Variants in ARHGAP25 observed in about 807,000 individuals in gnomAD.
The protein encoded by ARHGAP25 is Rho GTPase activating protein 25.
Under a neutral mutation model 71.0 loss-of-function variants are expected in ARHGAP25, and 34 were observed. That is an observed-to-expected ratio of 0.48 (90% CI 0.36 to 0.64). The LOEUF (loss-of-function observed/expected upper bound fraction) is 0.64. Ranked by LOEUF, ARHGAP25 falls within the 30% of genes least tolerant of loss-of-function variation. ARHGAP25 has a pLI of 0.00. For missense variants in ARHGAP25, 706 were observed against 805.1 expected, an observed-to-expected ratio of 0.88 and a Z score of 1.49; for synonymous variants, 282 against 296.5, an observed-to-expected ratio of 0.95 and a Z score of 0.50.
chr2:68,751,504 A>C (rs1199259724), intron 1 of ARHGAP25, among the ~76,000 whole-genome samples: 1 of 152,206 alleles, frequency 6.6e-6, no homozygotes, highest in Non-Finnish European at 1.5e-5. Context: ...TCCTATTCGC[A>C]CACCTGCCAT....
chr2:68,766,515 G>A (rs1677130876), intron 1 of ARHGAP25, among the ~76,000 whole-genome samples: 1 of 152,172 alleles, frequency 6.6e-6, no homozygotes, highest in Non-Finnish European at 1.5e-5. Context: ...CCCACAAGAG[G>A]CAACTGCACT....
rs67399232 is a variant in ARHGAP25, at chr2:68,816,132, C to CT, written c.808-146dup. The CT allele has an allele frequency of 3.5e-3, 2,296 of 663,390 alleles. 2 individuals carry two copies. The highest frequency in any genetic ancestry group is 0.012 in the African/African-American group (648 of 54,926). The allele number at this position is 663,390 out of a possible 1,614,324, so 41.1% of individuals were successfully genotyped here. A position where few individuals can be genotyped will look rare whatever the true frequency, so the allele number is the denominator to read the frequency against. On this transcript the variant is annotated intron_variant, in intron 6 of 10. Transcript: ENST00000409202. ...ATTCTGTGAGAATTGAGTTATTTCC[C>CT]TTTTTTTTTTTAAACCCACAGAACT...
In ARHGAP25 at chr2:68,822,854, A is replaced by C; in HGVS notation, c.1715A>C (p.Tyr572Ser). Residue 572 changes from tyrosine to serine, a missense_variant, in exon 10 of 11, where the codon TAT (tyrosine) becomes TCT (serine). Transcript: ENST00000409202. ...GAAATAGAAACACAGAAGCAAATGT[A>C]TGAGGAACAGATTAAAAAGTAAGTC... is the stretch of plus-strand genomic sequence containing the variant. Reference protein sequence around the residue: ...RKEIETQKQMYEEQIKNLEKE... With the variant: ...RKEIETQKQMSEEQIKNLEKE... 1 of 1,612,240 alleles carries C rather than the reference A, an allele frequency of 6.2e-7. No individual in the cohort carries two copies. Among genetic ancestry groups the C allele is most frequent in the Non-Finnish European group, 8.5e-7 (1 of 1,179,540 alleles).
At chr2:68,781,751 G>A (rs1040231861) in intron 2 of ARHGAP25, among the ~76,000 whole-genome samples, 2 of 152,220 alleles carry the variant, frequency 1.3e-5, no homozygotes, top group African/African-American at 4.8e-5. Context: ...AGGACTACAT[G>A]AATAATACAT....
intron 1 of ARHGAP25, among the ~76,000 whole-genome samples, chr2:68,755,347 A>C (rs924535425): frequency 6.6e-6 from 1 of 152,184 alleles, no homozygotes; most frequent in Admixed American, 6.5e-5. Flanking sequence ...ATTTTCCAAA[A>C]TATCTTTTAT....
At chr2:68,757,414 A>G (rs923044509) in intron 1 of ARHGAP25, among the ~76,000 whole-genome samples, 14 of 152,162 alleles carry the variant, frequency 9.2e-5, no homozygotes, top group African/African-American at 2.4e-5. Context: ...GTGAGGGAAA[A>G]CTGATTTGTC....
Position 68,767,657 on chromosome 2 carries a change from C to T in ARHGAP25, c.62-7564C>T, listed in dbSNP as rs867110714. 1.3e-5 allele frequency among the ~76,000 whole-genome samples: 2 copies of T among 152,258 alleles called. No homozygotes were observed. The highest frequency in any genetic ancestry group is 3.4e-3 in the Middle Eastern group (1 of 294). ...GACCTTGCTCAGAATCCCTAGGTCT[C>T]TCCACATGAGCTTGGGTAGCAGCTG... On this transcript the variant is annotated intron_variant, in intron 1 of 10. Transcript: ENST00000409202. The surrounding 1 kb of genome is among the most constrained non-coding windows in gnomAD (Gnocchi z 4.6).
chr2:68,757,839 A>T (rs532814516), intron 1 of ARHGAP25: 3 of 152,218 alleles, frequency 2.0e-5, no homozygotes, highest in South Asian at 2.1e-4. Context: ...AACAATTATT[A>T]GTCTGGAAGC....
chr2:68,765,301 G>T (rs1677058169), intron 1 of ARHGAP25, among the ~76,000 whole-genome samples: 1 of 151,436 alleles, frequency 6.6e-6, no homozygotes. Context: ...GGAGTAACAG[G>T]TCTGAAATGC....
chr2:68,742,710 G>C (rs953504336), intron 1 of ARHGAP25, among the ~76,000 whole-genome samples: 17 of 152,172 alleles, frequency 1.1e-4, no homozygotes, highest in African/African-American at 4.8e-5. Context: ...CAGTGCCAAG[G>C]TTTTGTTTGT....
intron 9 of ARHGAP25, 130 bp from the exon 10 acceptor site, chr2:68,822,210 G>T (rs1263819054): frequency 9.1e-6 from 8 of 874,534 alleles, no homozygotes; most frequent in Admixed American, 2.3e-5. Context: ...ATCAAGTAAT[G>T]TGATACATTA....
At chr2:68,744,238 T>C (rs1675684679) in intron 1 of ARHGAP25, among the ~76,000 whole-genome samples, 1 of 152,144 alleles carries the variant, frequency 6.6e-6, no homozygotes. Context: ...AGTTTGCTAT[T>C]CTGCTTTCTG....
intron 5 of ARHGAP25, among the ~76,000 whole-genome samples, chr2:68,808,822 T>C (rs1231323805): frequency 6.6e-6 from 1 of 152,250 alleles, no homozygotes; most frequent in Admixed American, 6.5e-5. Flanking sequence ...TGCTGGGATA[T>C]GCCAAATAAC....
chr2:68,802,512 G>A (rs1284731188), intron 4 of ARHGAP25, among the ~76,000 whole-genome samples: 4 of 151,640 alleles, frequency 2.6e-5, no homozygotes, highest in Non-Finnish European at 5.9e-5. Flanking sequence ...GGTTAGTTAA[G>A]TGCAGGTACC....
intron 4 of ARHGAP25, among the ~76,000 whole-genome samples, chr2:68,803,358 C>A (rs570266221): frequency 6.6e-6 from 1 of 152,132 alleles, no homozygotes; most frequent in Non-Finnish European, 1.5e-5. Flanking sequence ...ATTAGGAGAG[C>A]ACTAGAAATC....
intron 1 of ARHGAP25, among the ~76,000 whole-genome samples, chr2:68,770,652 A>G (rs756877828): frequency 1.3e-5 from 2 of 152,106 alleles, no homozygotes; most frequent in East Asian, 3.9e-4. Context: ...GGCATGTGGC[A>G]CTTCTTCTAT....
chr2:68,794,330 C>T (rs1373319702), intron 4 of ARHGAP25, among the ~76,000 whole-genome samples: 1 of 152,158 alleles, frequency 6.6e-6, no homozygotes, highest in Non-Finnish European at 1.5e-5. Flanking sequence ...TGAAAGTTGG[C>T]ATCCCTGTTT....
chr2:68,790,222 C>T (rs917059662), intron 4 of ARHGAP25, among the ~76,000 whole-genome samples: 1 of 152,138 alleles, frequency 6.6e-6, no homozygotes, highest in Non-Finnish European at 1.5e-5. Flanking sequence ...AACTCCTGAC[C>T]TTAGGTGATC....
At chr2:68,812,000 G>C (rs1680861090) in intron 5 of ARHGAP25, among the ~76,000 whole-genome samples, 1 of 152,162 alleles carries the variant, frequency 6.6e-6, no homozygotes, top group Admixed American at 6.5e-5. Flanking sequence ...ATCAGCTTCA[G>C]GAATATGGTA....
Sources: gnomAD v4.1 joint callset for allele counts (sites outside exome capture counted in the v4.1 genomes callset) on GRCh38, gnomAD v4.1.1 for gene constraint, Gnocchi (gnomAD v3.1) non-coding constraint, MANE v1.5 for transcripts, NCBI Gene and HGNC (gene_info 2026-07-23, HGNC 2026-07-21) for gene names.